The following PDE1A variants were observed in gnomAD, a reference collection of about 807,000 sequenced individuals.
PDE1A encodes the protein phosphodiesterase 1A.
A neutral mutation model predicts 61.7 loss-of-function variants in PDE1A; 35 were observed. The observed-to-expected ratio is 0.57, with a 90% confidence interval of 0.43 to 0.75. The LOEUF is 0.75. Among genes scored for constraint, PDE1A ranks in the 30% least tolerant of loss-of-function variants. PDE1A has a pLI of 0.00. For missense variants in PDE1A, 597 were observed against 630.6 expected (o/e 0.95, Z 0.57); for synonymous variants, 232 against 213.2 (o/e 1.09, Z -0.77).
chr2:182,646,718 A>G, the PDE1A span, among the ~76,000 whole-genome samples: 12 of 152,092 alleles, frequency 7.9e-5, no homozygotes, highest in Admixed American at 2.6e-4. Context: ...AAAGTCACCC[A>G]AAAAGAATAA....
chr2:182,520,862 A>G lies in PDE1A; in HGVS notation c.101+1414T>C, dbSNP rs528635360. ...TGCTGACTGCTAATGTTTAATTTGC[A>G]TCTATGCTAATTAATTTTGAGAGCT... On this transcript the variant is annotated intron_variant, in intron 2 of 14. Transcript: ENST00000410103. 5.3e-5 allele frequency among the ~76,000 whole-genome samples: 8 copies of G among 152,146 alleles called. No homozygotes were observed. In the East Asian group the frequency reaches 1.5e-3, roughly 29 times the overall value.
intron 1 of PDE1A, among the ~76,000 whole-genome samples, chr2:182,360,546 T>C (rs1453731233): frequency 4.9e-5 from 7 of 142,258 alleles, no homozygotes; most frequent in Non-Finnish European, 7.8e-5. Flanking sequence ...TTTTTTTTTT[T>C]CGTAACTTAA....
At chr2:182,641,215 A>G in the PDE1A span, among the ~76,000 whole-genome samples, 5 of 152,090 alleles carry the variant, frequency 3.3e-5, no homozygotes, top group African/African-American at 1.2e-4. Flanking sequence ...ATGTAAGAGG[A>G]GAAGTGGGAA....
intron 2 of PDE1A, among the ~76,000 whole-genome samples, chr2:182,243,219 G>GA (rs1428176343): frequency 6.6e-6 from 1 of 151,662 alleles, no homozygotes; most frequent in African/African-American, 2.4e-5. Context: ...ATTAAAAATT[G>GA]AAAAAATGAG....
At chr2:182,632,997 G>C in the PDE1A span, among the ~76,000 whole-genome samples, 1 of 152,174 alleles carries the variant, frequency 6.6e-6, no homozygotes, top group South Asian at 2.1e-4. Flanking sequence ...AGATTATGCT[G>C]TATCCATTTA....
the PDE1A span, among the ~76,000 whole-genome samples, chr2:182,597,913 C>T: frequency 6.6e-6 from 1 of 152,200 alleles, no homozygotes; most frequent in East Asian, 1.9e-4. Context: ...TAAGAAAATC[C>T]TCTTTTCACC....
chr2:182,672,142 G>A, the PDE1A span, among the ~76,000 whole-genome samples: 1 of 152,106 alleles, frequency 6.6e-6, no homozygotes, highest in Admixed American at 6.6e-5. Context: ...ACTATGCTGA[G>A]GATGTAGTAG....
intron 1 of PDE1A, among the ~76,000 whole-genome samples, chr2:182,282,247 T>C (rs927906367): frequency 6.6e-6 from 1 of 151,966 alleles, no homozygotes; most frequent in African/African-American, 2.4e-5. Flanking sequence ...CATGCTCAAG[T>C]AGGTCTTGGC....
intron 7 of PDE1A, among the ~76,000 whole-genome samples, chr2:182,221,182 T>C (rs1688696575): frequency 6.6e-6 from 1 of 151,918 alleles, no homozygotes; most frequent in Non-Finnish European, 1.5e-5. Flanking sequence ...TTCATCCACT[T>C]GCAGATGAAT....
intron 1 of PDE1A, among the ~76,000 whole-genome samples, chr2:182,383,999 T>G (rs1700881400): frequency 6.6e-6 from 1 of 152,188 alleles, no homozygotes; most frequent in Non-Finnish European, 1.5e-5. Context: ...TGGTGCCATA[T>G]TGGAGCACAC....
At chr2:182,384,225 T>C (rs1574507630) in intron 1 of PDE1A, among the ~76,000 whole-genome samples, 1 of 152,082 alleles carries the variant, frequency 6.6e-6, no homozygotes, top group Non-Finnish European at 1.5e-5. Flanking sequence ...TTTTCAAATA[T>C]GCACACATAG....
chr2:182,347,558 T>A (rs1698593722), intron 1 of PDE1A, among the ~76,000 whole-genome samples: 1 of 152,270 alleles, frequency 6.6e-6, no homozygotes, highest in South Asian at 2.1e-4. Flanking sequence ...GAAATCTTTG[T>A]TAACTGTAGC....
At chr2:182,412,485 ACT>A (rs1702676520) in intron 1 of PDE1A, among the ~76,000 whole-genome samples, 1 of 152,226 alleles carries the variant, frequency 6.6e-6, no homozygotes, top group Non-Finnish European at 1.5e-5. Context: ...TAATGCCCAT[ACT>A]TCAGTATTAC....
At chr2:182,329,227 C>T (rs1486450914) in intron 1 of PDE1A, among the ~76,000 whole-genome samples, 2 of 152,172 alleles carry the variant, frequency 1.3e-5, no homozygotes, top group African/African-American at 4.8e-5. Context: ...TCAAATTTCA[C>T]TCCAGCCATA....
At chr2:182,461,733 G>T (rs1686301322) in intron 2 of PDE1A, among the ~76,000 whole-genome samples, 1 of 152,080 alleles carries the variant, frequency 6.6e-6, no homozygotes, top group African/African-American at 2.4e-5. Flanking sequence ...GCTTTCTTCA[G>T]CTATGGTTTG....
chr2:182,669,399 T>C, the PDE1A span, among the ~76,000 whole-genome samples: 1 of 152,384 alleles, frequency 6.6e-6, no homozygotes, highest in East Asian at 1.9e-4. Flanking sequence ...AACCCATCTT[T>C]TAACAAATAT....
At chr2:182,500,038 G>T (rs1688996003) in intron 2 of PDE1A, among the ~76,000 whole-genome samples, 1 of 152,208 alleles carries the variant, frequency 6.6e-6, no homozygotes, top group Admixed American at 6.5e-5. Flanking sequence ...CTAAGGAAAA[G>T]AGTGGGACAG....
At chr2:182,510,117 T>A (rs931515083) in intron 2 of PDE1A, among the ~76,000 whole-genome samples, 2 of 152,152 alleles carry the variant, frequency 1.3e-5, no homozygotes, top group African/African-American at 2.4e-5. Context: ...ACTGAGCTTT[T>A]TGTCGGCCTA....
intron 7 of PDE1A, among the ~76,000 whole-genome samples, chr2:182,210,130 G>A (rs1319370450): frequency 1.3e-5 from 2 of 152,312 alleles, no homozygotes; most frequent in African/African-American, 4.8e-5. Context: ...TTGTGTGAAT[G>A]TGTTTGTAAT....
Sources: gnomAD v4.1 joint callset for allele counts (sites outside exome capture counted in the v4.1 genomes callset) on GRCh38, gnomAD v4.1.1 for gene constraint, MANE v1.5 for transcripts, NCBI Gene and HGNC (gene_info 2026-07-23, HGNC 2026-07-21) for gene names.